ZBTB8B: variants seen among roughly 807,000 people sequenced by gnomAD.
ZBTB8B encodes zinc finger and BTB domain containing 8B.
ZBTB8B carries 17 observed loss-of-function variants against 30.3 expected under a neutral mutation model. The observed-to-expected ratio is 0.56, with a 90% CI of 0.38 to 0.84. The LOEUF (loss-of-function observed/expected upper bound fraction) is 0.84. ZBTB8B is among the 40% of genes least tolerant of loss of function. The pLI, the probability that ZBTB8B is intolerant of heterozygous loss-of-function variation, is 0.00. For missense variants in ZBTB8B, 515 were observed against 644.9 expected, an observed-to-expected ratio of 0.80 and a Z score of 2.18; for synonymous variants, 248 against 255.6, an observed-to-expected ratio of 0.97 and a Z score of 0.28.
intron 3 of ZBTB8B, among the ~76,000 whole-genome samples, chr1:32,482,382 A>C (rs546210361): frequency 2.0e-5 from 3 of 152,164 alleles, no homozygotes; most frequent in African/African-American, 7.2e-5. Context: ...TCTTAAGAAT[A>C]CGAAAACTGG....
At chr1:32,480,547 G>A (rs1643696409) in intron 2 of ZBTB8B, among the ~76,000 whole-genome samples, 2 of 152,212 alleles carry the variant, frequency 1.3e-5, no homozygotes, top group Admixed American at 1.3e-4. Context: ...ATCAGGGTGA[G>A]TATTGTTTTG....
rs1487145843 is a variant in ZBTB8B, at chr1:32,471,307, A to G, written c.683A>G (p.Glu228Gly). Residue 228 changes from glutamate (E) to glycine (G), a missense_variant, in exon 2 of 4, where the codon GAG becomes GGG. Physicochemically the swap from Glu to Gly is moderately conservative, Grantham distance 98. This residue lies in a region of ZBTB8B where 429 missense variants were observed against 504.3 expected (regional missense o/e 0.85). Coordinates refer to ENST00000609129, the MANE Select transcript of ZBTB8B (RefSeq NM_001145720.2). ...CTCTCTACTCCACCCAAACGGATAG[A>G]GCCCAAGGTGGAATTTGATGCTGAT... ...SNLSTPPKRIEPKVEFDADEV... is the reference protein window; with the variant it reads ...SNLSTPPKRIGPKVEFDADEV... The G allele has an allele frequency of 1.5e-5, 24 of 1,551,640 alleles. No homozygotes were observed. In the East Asian group the frequency reaches 3.2e-4, roughly 21 times the overall value.
Position 32,470,867 on chromosome 1 carries a change from TTTCC to T in ZBTB8B, c.245_248del (p.Phe82SerfsTer13). The T allele has an allele frequency of 1.9e-6, 3 of 1,551,974 alleles. No homozygotes were observed. Among genetic ancestry groups the T allele is most frequent in the South Asian group, 2.4e-5 (2 of 84,064 alleles). ...CTGATGCCTTCTCCATCATCTTAGA[TTTCC>T]TCTATTCTGGGAAGTTGGATTTGTG... On this transcript the variant is annotated frameshift_variant, in exon 2 of 4. Transcript: ENST00000609129. LOFTEE classifies it high-confidence loss of function.
intron 2 of ZBTB8B, 146 bp from the exon 3 acceptor site, chr1:32,480,745 C>A: frequency 1.5e-6 from 1 of 673,360 alleles, no homozygotes; most frequent in Non-Finnish European, 2.5e-6. Flanking sequence ...CAGACGATGT[C>A]TTGCTGTTGG....
chr1:32,483,242 TCCAAAAAAA>T (rs1273225385), intron 3 of ZBTB8B, among the ~76,000 whole-genome samples: 4 of 33,118 alleles, frequency 1.2e-4, no homozygotes, highest in South Asian at 1.2e-3. Flanking sequence ...CTACTAAAAA[TCCAAAAAAA>T]AAAAAAAAAA....
chr1:32,469,331 C>T (rs544566025), intron 1 of ZBTB8B, among the ~76,000 whole-genome samples: 16 of 149,482 alleles, frequency 1.1e-4, no homozygotes, highest in South Asian at 4.2e-4. Flanking sequence ...CTGCAACCTC[C>T]GCCTCCTGGG....
In ZBTB8B at chr1:32,487,298, C is replaced by T. The variant is rs539597412; in HGVS notation, c.*1880C>T. ...CCACAGAGAGGCCCTGTTCTGTAAA[C>T]TGTTTTCTACCAGTCTGCTACAAGG... On this transcript the variant is annotated 3_prime_UTR_variant, in exon 4 of 4. Coordinates refer to ENST00000609129, the MANE Select transcript of ZBTB8B (RefSeq NM_001145720.2). 2 of 152,290 alleles carry T rather than the reference C, an allele frequency of 1.3e-5. No homozygotes were observed. Among genetic ancestry groups the T allele is most frequent in the Non-Finnish European group, 2.9e-5 (2 of 68,022 alleles). The allele number at this position is 152,290 out of a possible 1,614,324, so 9.4% of individuals were successfully genotyped here. A position where few individuals can be genotyped will look rare whatever the true frequency, so the allele number is the denominator to read the frequency against.
rs1314755947 is a variant in ZBTB8B, at chr1:32,487,405, G to A, written c.*1987G>A. ...GTGACTCATGGCTTTGTCTTCTTGA[G>A]TGAGGTATGGACCAGTTCAGTTCTG... is the stretch of plus-strand genomic sequence containing the variant. On this transcript the variant is annotated 3_prime_UTR_variant, in exon 4 of 4. Transcript: ENST00000609129. The A allele has an allele frequency of 6.6e-6, 1 of 152,276 alleles. No homozygotes were observed. 9.4% of individuals were successfully genotyped at this position (152,276 alleles called of 1,614,324 possible).
rs1643746400 is a variant in ZBTB8B, at chr1:32,486,612, G to C, written c.*1194G>C. On this transcript the variant is annotated 3_prime_UTR_variant, in exon 4 of 4. Transcript: ENST00000609129. ...GGTGGTTGCCATGATAAGGGGCAGT[G>C]ACTTCCAGGTGTTGCCATGGCAATG... The C allele has an allele frequency of 6.6e-6, 1 of 152,180 alleles. No individual in the cohort carries two copies. Among genetic ancestry groups the C allele is most frequent in the Admixed American group, 6.5e-5 (1 of 15,278 alleles). 9.4% of individuals were successfully genotyped at this position (152,180 alleles called of 1,614,324 possible). A position where few individuals can be genotyped will look rare whatever the true frequency, so the allele number is the denominator to read the frequency against.
At chr1:32,470,357 G>A (rs546033504) in intron 1 of ZBTB8B, among the ~76,000 whole-genome samples, 36 of 151,934 alleles carry the variant, frequency 2.4e-4, no homozygotes, top group African/African-American at 5.1e-4. Context: ...AAAATTTGCC[G>A]GGCGTGGTGG....
Position 32,471,445 on chromosome 1 carries a change from A to G in ZBTB8B, c.821A>G (p.Asn274Ser). ...SGQAVDLAYS[N>S]YHVKQFLEAL... is the part of the protein sequence containing the mutation. ...CAGGCGGTTGACTTGGCTTACAGCA[A>G]CTACCACGTGAAGCAGTTCCTGGAG... Residue 274 changes from asparagine (N) to serine (S), a missense_variant, in exon 2 of 4, where the codon AAC becomes AGC. By Grantham distance (46) the Asn-to-Ser change is conservative. Coordinates refer to ENST00000609129, the MANE Select transcript of ZBTB8B (RefSeq NM_001145720.2). 1.9e-6 allele frequency: 3 copies of G among 1,551,844 alleles called. No homozygotes were observed. Among genetic ancestry groups the G allele is most frequent in the Non-Finnish European group, 2.6e-6 (3 of 1,147,026 alleles).
Position 32,485,512 on chromosome 1 carries a change from G to GAGGA in ZBTB8B, c.*96_*99dup. ...TTTGTCCAATTTTGTGGAACCCTGAGAGGAACATTTTTTCACTGTTATTAT... is the reference window on the plus strand; with the variant it reads ...TTTGTCCAATTTTGTGGAACCCTGAGAGGAAGGAACATTTTTTCACTGTTATTAT... On this transcript the variant is annotated 3_prime_UTR_variant, in exon 4 of 4. Transcript: ENST00000609129. 1.6e-6 allele frequency: 2 copies of GAGGA among 1,266,040 alleles called. No homozygotes were observed. The highest frequency in any genetic ancestry group is 2.2e-6 in the Non-Finnish European group (2 of 921,784). The allele number at this position is 1,266,040 out of a possible 1,614,324, so 78.4% of individuals were successfully genotyped here. A position where few individuals can be genotyped will look rare whatever the true frequency, so the allele number is the denominator to read the frequency against.
In ZBTB8B at chr1:32,471,058, C is replaced by T. The variant is rs1643615184; in HGVS notation, c.434C>T (p.Ala145Val). The T allele has an allele frequency of 6.5e-7, 1 of 1,544,544 alleles. No individual in the cohort carries two copies. The highest frequency in any genetic ancestry group is 1.2e-5 in the South Asian group (1 of 83,932). Residue 145 changes from alanine (A) to valine (V), a missense_variant, in exon 2 of 4, where the codon GCT becomes GTT. Ala to Val is a moderately conservative substitution (Grantham distance 64). Around this residue, in one of 3 missense-constraint regions of ZBTB8B, gnomAD observed 429 missense variants for 504.3 expected, o/e 0.85. Coordinates refer to ENST00000609129, the MANE Select transcript of ZBTB8B (RefSeq NM_001145720.2). ...GCAGTGGCGGCGGCAGCGGCGGCGG[C>T]TGCAGCGGCGGCAGCAGCGGCGGCT... is the stretch of plus-strand genomic sequence containing the variant. Reference protein sequence around the residue: ...AAAVAAAAAAAAAAAAAAAHQ... With the variant: ...AAAVAAAAAAVAAAAAAAAHQ...
intron 3 of ZBTB8B, among the ~76,000 whole-genome samples, chr1:32,481,833 C>T (rs1643707632): frequency 6.6e-6 from 1 of 152,096 alleles, no homozygotes; most frequent in South Asian, 2.1e-4. Context: ...CATTTAGCTC[C>T]CACTTATAAG....
chr1:32,471,080 G>C lies in ZBTB8B; in HGVS notation c.456G>C (p.Ala152=). Residue 152 remains alanine, a synonymous_variant, in exon 2 of 4, where the codon GCG becomes GCC. Transcript: ENST00000609129. ...CGGCTGCAGCGGCGGCAGCAGCGGC[G>C]GCTCATCAGGTTGACAGTGAAAGCC... ...AAAAAAAAAA[A]AHQVDSESPS... 6.5e-7 allele frequency: 1 copy of C among 1,550,086 alleles called. No homozygotes were observed. The highest frequency in any genetic ancestry group is 1.4e-5 in the African/African-American group (1 of 73,114).
chr1:32,489,969 T>C lies in ZBTB8B; in HGVS notation c.*4551T>C, dbSNP rs1570266688. ...CTGCAACATGTTATGGAATTGAGTATTCTGGTGGTTTGGAATACTGAGATG... is the reference window on the plus strand; with the variant it reads ...CTGCAACATGTTATGGAATTGAGTACTCTGGTGGTTTGGAATACTGAGATG... On this transcript the variant is annotated 3_prime_UTR_variant, in exon 4 of 4. Coordinates refer to ENST00000609129, the MANE Select transcript of ZBTB8B (RefSeq NM_001145720.2). The C allele has an allele frequency of 6.6e-6, 1 of 152,318 alleles. No individual in the cohort carries two copies. The highest frequency in any genetic ancestry group is 2.4e-5 in the African/African-American group (1 of 41,572). 9.4% of individuals were successfully genotyped at this position (152,318 alleles called of 1,614,324 possible).
chr1:32,470,317 G>A (rs1643605533), intron 1 of ZBTB8B, among the ~76,000 whole-genome samples: 2 of 151,114 alleles, frequency 1.3e-5, no homozygotes, highest in Admixed American at 1.3e-4. Flanking sequence ...TGGCTAACAC[G>A]GTGAAACCCC....
chr1:32,483,520 G>A (rs1018355726), intron 3 of ZBTB8B, among the ~76,000 whole-genome samples: 1 of 151,950 alleles, frequency 6.6e-6, no homozygotes, highest in Non-Finnish European at 1.5e-5. Flanking sequence ...TAGCAAATCT[G>A]CCTTCCTAAT....
chr1:32,482,596 G>A (rs533724104), intron 3 of ZBTB8B, among the ~76,000 whole-genome samples: 10 of 150,370 alleles, frequency 6.7e-5, no homozygotes, highest in Admixed American at 2.7e-4. Flanking sequence ...GCTTGAACCC[G>A]GGAGGTGGAG....
Sources: allele counts gnomAD v4.1 joint callset (sites outside exome capture counted in the v4.1 genomes callset), GRCh38; gene constraint gnomAD v4.1.1; regional missense constraint gnomAD v4.1.1; transcripts MANE v1.5; gene names NCBI Gene and HGNC (gene_info 2026-07-23, HGNC 2026-07-21).